The following P3H1 variants were observed in gnomAD, a reference collection of about 807,000 sequenced individuals.
The protein encoded by P3H1 is prolyl 3-hydroxylase 1.
Under a neutral mutation model 84.0 loss-of-function variants are expected in P3H1, and 69 were observed. The ratio of observed to expected loss-of-function variants is 0.82; its 90% CI spans 0.68 to 1.00. The LOEUF (loss-of-function observed/expected upper bound fraction) is 1.00. Ranked by LOEUF, P3H1 falls within the 50% of genes least tolerant of loss-of-function variation. P3H1 has a pLI of 0.00. For missense variants in P3H1, 878 were observed against 962.8 expected, an observed-to-expected ratio of 0.91 and a Z score of 1.17; for synonymous variants, 366 against 388.8, an observed-to-expected ratio of 0.94 and a Z score of 0.69.
chr1:42,757,641 G>T, intron 5 of P3H1, 142 bp downstream of exon 5: 1 of 1,201,542 alleles, frequency 8.3e-7, no homozygotes, highest in South Asian at 1.3e-5. Context: ...CAAGCCGAGT[G>T]ACTGAACTCA....
intron 12 of P3H1, 125 bp downstream of exon 12, chr1:42,748,075 G>A: frequency 2.7e-6 from 2 of 744,258 alleles, no homozygotes; most frequent in South Asian, 1.5e-5. Context: ...ATAAAGGATT[G>A]GACTCTGGGA....
In P3H1 at chr1:42,759,196, C is replaced by A. The variant is rs368972030; in HGVS notation, c.808+5G>T. ...GCTGAAGGTCTGGCTCTGAACTGCA[C>A]GCACCTGTGATGGCCTGGAAGAGGT... On this transcript the variant is annotated splice_donor_5th_base_variant and intron_variant, in intron 3 of 14. Transcript: ENST00000296388. 8.1e-6 allele frequency: 13 copies of A among 1,614,020 alleles called. No individual in the cohort carries two copies. In the East Asian group the frequency reaches 2.2e-4, roughly 28 times the overall value.
chr1:42,754,807 G>A lies in P3H1; in HGVS notation c.1345+62C>T. The A allele has an allele frequency of 1.2e-6, 2 of 1,611,672 alleles. No homozygotes were observed. The highest frequency in any genetic ancestry group is 8.5e-7 in the Non-Finnish European group (1 of 1,178,338). On this transcript the variant is annotated intron_variant, in intron 8 of 14. Transcript: ENST00000296388. The surrounding 1 kb of genome is among the most constrained non-coding windows in gnomAD (Gnocchi z 4.0). ...TGGGGTGGAGCGCTGCCTGGCAAATGTGGGGTGACCTGCCTGGCTCCCTGA... is the reference window on the plus strand; with the variant it reads ...TGGGGTGGAGCGCTGCCTGGCAAATATGGGGTGACCTGCCTGGCTCCCTGA...
rs1194444860 is a variant in P3H1 at position 42,757,924 on chromosome 1, T to A, written c.941-2A>T. On this transcript the variant is annotated splice_acceptor_variant, in intron 4 of 14. Transcript: ENST00000296388. LOFTEE classifies it high-confidence loss of function. ...CAACAGCCTGTGTATAATTCCCAAC[T>A]GCAAAGTGGAAAGAAGAATGGCTGA... 8.1e-6 allele frequency: 13 copies of A among 1,613,602 alleles called. No homozygotes were observed. Among genetic ancestry groups the A allele is most frequent in the Non-Finnish European group, 1.1e-5 (13 of 1,179,606 alleles).
At chr1:42,766,387 C>G in intron 1 of P3H1, 120 bp downstream of exon 1, 2 of 907,076 alleles carry the variant, frequency 2.2e-6, no homozygotes, top group Admixed American at 2.1e-5. Flanking sequence ...AGCTCCCCAG[C>G]CAGGAGGCCA....
intron 1 of P3H1, 72 bp downstream of exon 1, chr1:42,766,435 G>A (rs934782674): frequency 7.5e-7 from 1 of 1,339,308 alleles, no homozygotes; most frequent in African/African-American, 1.5e-5. Context: ...GATCCCCCAA[G>A]CTCCTCAGGT....
At chr1:42,762,909 T>C (rs567564381) in intron 1 of P3H1, among the ~76,000 whole-genome samples, 1 of 152,024 alleles carries the variant, frequency 6.6e-6, no homozygotes, top group Non-Finnish European at 1.5e-5. Context: ...CTGGGCAACA[T>C]GGTGAAACCC....
Position 42,766,877 on chromosome 1 carries a change from A to T in P3H1, c.95T>A (p.Met32Lys), listed in dbSNP as rs754276145. 3 of 1,608,104 alleles carry T rather than the reference A, an allele frequency of 1.9e-6. No individual in the cohort carries two copies. The highest frequency in any genetic ancestry group is 2.7e-5 in the African/African-American group (2 of 75,022). ...GGCGAAGAGCAGATCAGGCGTCACC[A>T]TGCCCCATCCTGCCTCGGACTCGAC... ...AEVESEAGWGMVTPDLLFAEG... is the reference protein window; with the variant it reads ...AEVESEAGWGKVTPDLLFAEG... The change falls in exon 1 of 15, where the codon ATG becomes AAG. Residue 32 changes from methionine (M) to lysine (K), a missense_variant. Physicochemically the swap from Met to Lys is moderately conservative, Grantham distance 95. Transcript: ENST00000296388.
At chr1:42,746,995 A>G (rs762619690) in intron 14 of P3H1, 143 bp from the exon 15 acceptor site, 2 of 1,614,028 alleles carry the variant, frequency 1.2e-6, no homozygotes, top group African/African-American at 1.3e-5. Context: ...ACTCTCTGGA[A>G]AAGGACAGCT....
At chr1:42,757,638 A>G (rs1313991112) in intron 5 of P3H1, 145 bp downstream of exon 5, 3 of 1,170,310 alleles carry the variant, frequency 2.6e-6, no homozygotes, top group Non-Finnish European at 3.8e-6. Flanking sequence ...TAACAAGCCG[A>G]GTGACTGAAC....
Position 42,758,970 on chromosome 1 carries a change from C to G in P3H1, c.822G>C (p.Gln274His), listed in dbSNP as rs372301077. The G allele has an allele frequency of 4.0e-5, 64 of 1,614,020 alleles. No individual in the cohort carries two copies. Among genetic ancestry groups the G allele is most frequent in the Non-Finnish European group, 5.3e-5 (62 of 1,180,036 alleles). ...CACAGTTCTGCTTACAGTTGAGGAC[C>G]TGGATGTAATGATCTGAAAGGAATC... ...LFQAITDHYI[Q>H]VLNCKQNCVT... is the part of the protein sequence containing the mutation. The change falls in exon 4 of 15, where the codon CAG becomes CAC. Residue 274 changes from glutamine to histidine, a missense_variant. Coordinates refer to ENST00000296388, the MANE Select transcript of P3H1 (RefSeq NM_022356.4).
At chr1:42,762,601 C>T in intron 1 of P3H1, 126 bp from the exon 2 acceptor site, 3 of 953,202 alleles carry the variant, frequency 3.1e-6, no homozygotes, top group Middle Eastern at 2.5e-4. Context: ...GCGTGCCCAG[C>T]CCCTGCCAGC....
rs770943260 is a variant in P3H1, at chr1:42,759,253, G to A, written c.756C>T (p.Tyr252=). The change falls in exon 3 of 15, where the codon TAC becomes TAT. Residue 252 remains tyrosine (Y), a synonymous_variant. Coordinates refer to ENST00000296388, the MANE Select transcript of P3H1 (RefSeq NM_022356.4). The stretch of plus-strand genomic sequence containing the variant: ...TGTACTCAAGGTAGTTGTAGCCATC[G>A]TAGTCATAGGGCCCTTCGCAGAGGG... ...CRALCEGPYD[Y]DGYNYLEYNA... is the part of the protein sequence containing the mutation. The A allele has an allele frequency of 4.7e-5, 76 of 1,614,082 alleles. No individual in the cohort carries two copies. In the Admixed American group the frequency reaches 1.1e-3, roughly 23 times the overall value.
rs1310667421 is a variant in P3H1, at chr1:42,766,604, C to G, written c.368G>C (p.Cys123Ser). ...CGAGTGGGCGGCCGGCGGCCCGAGG[C>G]AGCGGCGCAGGCAGGCAGCGCGACG... is the stretch of plus-strand genomic sequence containing the variant. Reference protein sequence around the residue: ...LLRRAACLRRCLGPPAAHSLS... With the variant: ...LLRRAACLRRSLGPPAAHSLS... The change falls in exon 1 of 15, where the codon TGC becomes TCC. Residue 123 changes from cysteine (C) to serine (S), a missense_variant. By Grantham distance (112) the Cys-to-Ser change is moderately radical. Transcript: ENST00000296388. 9.3e-6 allele frequency: 15 copies of G among 1,608,500 alleles called. No homozygotes were observed. The highest frequency in any genetic ancestry group is 1.3e-5 in the Non-Finnish European group (15 of 1,177,996).
rs146002380 is a variant in P3H1 at position 42,747,160 on chromosome 1, C to T, written c.2055+112G>A. On this transcript the variant is annotated intron_variant, in intron 14 of 14. Coordinates refer to ENST00000296388, the MANE Select transcript of P3H1 (RefSeq NM_022356.4). ...GAGCTGGTGTCCCAAGTGCTCCTTT[C>T]GTGTCTCAGCCACTGGCAATGGGAT... 1,118 of 1,614,168 alleles carry T rather than the reference C, an allele frequency of 6.9e-4. No individual in the cohort carries two copies. Among genetic ancestry groups the T allele is most frequent in the Non-Finnish European group, 8.5e-4 (1,008 of 1,180,034 alleles).
chr1:42,762,433 A>G lies in P3H1; in HGVS notation c.508T>C (p.Phe170Leu). The change falls in exon 2 of 15, where the codon TTC (phenylalanine) becomes CTC (leucine). Residue 170 changes from phenylalanine (F) to leucine (L), a missense_variant. Coordinates refer to ENST00000296388, the MANE Select transcript of P3H1 (RefSeq NM_022356.4). Reference protein sequence around the residue: ...EKAVAAAHTFFVGNPEHMEMQ... With the variant: ...EKAVAAAHTFLVGNPEHMEMQ... ...TCCATGTGCTCAGGATTGCCCACGAAGAAGGTGTGTGCTGCAGCAACAGCT... is the reference window on the plus strand; with the variant it reads ...TCCATGTGCTCAGGATTGCCCACGAGGAAGGTGTGTGCTGCAGCAACAGCT... The G allele has an allele frequency of 6.2e-7, 1 of 1,614,154 alleles. No individual in the cohort carries two copies. Among genetic ancestry groups the G allele is most frequent in the East Asian group, 2.2e-5 (1 of 44,888 alleles).
chr1:42,764,554 A>T (rs1174367864), intron 1 of P3H1, among the ~76,000 whole-genome samples: 1 of 152,066 alleles, frequency 6.6e-6, no homozygotes, highest in Non-Finnish European at 1.5e-5. Flanking sequence ...CAGTTTCCCT[A>T]ATCTATCATC....
At chr1:42,750,872 C>T (rs1160912374) in intron 10 of P3H1, among the ~76,000 whole-genome samples, 13 of 149,304 alleles carry the variant, frequency 8.7e-5, no homozygotes, top group African/African-American at 3.0e-4. Flanking sequence ...TGAGGGGCGC[C>T]TCTGCCCGGC....
intron 10 of P3H1, among the ~76,000 whole-genome samples, chr1:42,750,584 C>T (rs535502865): frequency 2.5e-4 from 37 of 150,378 alleles, no homozygotes; most frequent in South Asian, 1.7e-3. Context: ...CGCCTCTGCC[C>T]GGCCGCCCCT....
Sources: gnomAD v4.1 joint callset for allele counts (sites outside exome capture counted in the v4.1 genomes callset) on GRCh38, gnomAD v4.1.1 for gene constraint, Gnocchi (gnomAD v3.1) non-coding constraint, MANE v1.5 for transcripts, NCBI Gene and HGNC (gene_info 2026-07-23, HGNC 2026-07-21) for gene names.